Variants in UBE3C observed in about 807,000 individuals in gnomAD.
UBE3C encodes ubiquitin-protein ligase E3C.
Under a neutral mutation model 129.4 loss-of-function variants are expected in UBE3C, and 42 were observed. The ratio of observed to expected loss-of-function variants is 0.32; its 90% CI spans 0.25 to 0.42. UBE3C has a LOEUF of 0.42. UBE3C is among the 10% of genes least tolerant of loss of function. The pLI is 1.00. For synonymous variants in UBE3C, 510 were observed against 492.4 expected, an observed-to-expected ratio of 1.04 and a Z score of -0.47; for missense variants, 1,049 against 1,319.1, an observed-to-expected ratio of 0.80 and a Z score of 3.17.
intron 2 of UBE3C, among the ~76,000 whole-genome samples, chr7:157,165,239 C>T (rs1312914451): frequency 6.6e-6 from 1 of 152,120 alleles, no homozygotes; most frequent in Non-Finnish European, 1.5e-5. Flanking sequence ...TCCTCTCCTA[C>T]TTGGACGCAA....
intron 2 of UBE3C, among the ~76,000 whole-genome samples, chr7:157,167,278 A>C (rs1176842729): frequency 1.3e-5 from 2 of 152,016 alleles, no homozygotes; most frequent in Non-Finnish European, 2.9e-5. Context: ...CTACATCTAC[A>C]TGACCTGATG....
chr7:157,190,732 T>C (rs17718923), intron 10 of UBE3C, among the ~76,000 whole-genome samples: 13,235 of 152,016 alleles, frequency 0.087, 806 homozygotes, highest in Non-Finnish European at 0.12. Flanking sequence ...AGGAAAAAAT[T>C]CACATTCCTT....
At position 157,217,071 on chromosome 7, in the gene UBE3C, A is replaced by T. The variant is rs188308661; in HGVS notation, c.1914+100A>T. 3.9e-3 allele frequency: 3,359 copies of T among 852,260 alleles called. 11 individuals carry two copies. Among genetic ancestry groups the T allele is most frequent in the Non-Finnish European group, 4.6e-3 (2,542 of 555,332 alleles). 52.8% of individuals were successfully genotyped at this position (852,260 alleles called of 1,614,324 possible). A position where few individuals can be genotyped will look rare whatever the true frequency, so the allele number is the denominator to read the frequency against. Reference sequence around the variant, plus strand: ...TAAGCACTTTAAAATTATTTATTTTATGACTCATATGACTAAATAGTAATG... The same window carrying T: ...TAAGCACTTTAAAATTATTTATTTTTTGACTCATATGACTAAATAGTAATG... On this transcript the variant is annotated intron_variant, in intron 14 of 22. Coordinates refer to ENST00000348165, the MANE Select transcript of UBE3C (RefSeq NM_014671.3).
chr7:157,255,990 C>G (rs1480636874), intron 21 of UBE3C, among the ~76,000 whole-genome samples: 1 of 152,194 alleles, frequency 6.6e-6, no homozygotes. Flanking sequence ...CATGTTAGAT[C>G]TGTGGCCACG....
chr7:157,233,944 A>G (rs1584808027), intron 18 of UBE3C, among the ~76,000 whole-genome samples: 1 of 152,198 alleles, frequency 6.6e-6, no homozygotes, highest in East Asian at 1.9e-4. Context: ...CTGGTGACTA[A>G]TAATGTTGAC....
intron 9 of UBE3C, among the ~76,000 whole-genome samples, chr7:157,185,550 A>T (rs1181842152): frequency 6.6e-6 from 1 of 152,150 alleles, no homozygotes; most frequent in Admixed American, 6.5e-5. Flanking sequence ...ACTGCAAGTC[A>T]TTCTTTCTTT....
intron 1 of UBE3C, among the ~76,000 whole-genome samples, chr7:157,155,965 A>C (rs778698885): frequency 6.6e-6 from 1 of 152,176 alleles, no homozygotes; most frequent in Admixed American, 6.5e-5. Context: ...TACGGGTTCT[A>C]CATCTGCATA....
At chr7:157,238,033 C>CA (rs1314297214) in intron 18 of UBE3C, among the ~76,000 whole-genome samples, 2 of 152,136 alleles carry the variant, frequency 1.3e-5, no homozygotes, top group Admixed American at 1.3e-4. Context: ...GCCTGGGTGA[C>CA]AGAGACCCTG....
intron 8 of UBE3C, 125 bp downstream of exon 8, chr7:157,182,453 G>T (rs1808691828): frequency 3.2e-6 from 3 of 925,576 alleles, no homozygotes; most frequent in South Asian, 1.7e-5. Context: ...GAGTGTATTT[G>T]CTGGAGGGAT....
At chr7:157,150,336 A>G (rs896609524) in intron 1 of UBE3C, among the ~76,000 whole-genome samples, 6 of 152,018 alleles carry the variant, frequency 3.9e-5, no homozygotes, top group African/African-American at 1.4e-4. Context: ...CTGAGATCAT[A>G]CCACTGTCCT....
At position 157,189,010 on chromosome 7, in the gene UBE3C, C is replaced by T. The variant is rs570980139; in HGVS notation, c.1331+1989C>T. ...CATGGAAAGATTTCCGAGACAGATGCGTACATGAAAACCGGGAAGACACAG... is the reference window on the plus strand; with the variant it reads ...CATGGAAAGATTTCCGAGACAGATGTGTACATGAAAACCGGGAAGACACAG... On this transcript the variant is annotated intron_variant, in intron 10 of 22. Transcript: ENST00000348165. The T allele has an allele frequency of 5.5e-4, 312 of 564,022 alleles. 1 individual carries two copies. The highest frequency in any genetic ancestry group is 8.1e-4 in the African/African-American group (44 of 54,350). 34.9% of individuals were successfully genotyped at this position (564,022 alleles called of 1,614,324 possible).
Position 157,250,691 on chromosome 7 carries a change from G to C in UBE3C, c.2694+2111G>C, listed in dbSNP as rs573351570. 5.9e-5 allele frequency among the ~76,000 whole-genome samples: 9 copies of C among 152,240 alleles called. No homozygotes were observed. In the South Asian group the frequency reaches 1.9e-3, roughly 32 times the overall value. ...TTTCTGCATATTTTTCCATACCATAGAGCTGAATTTTCACCAATGCAAAAT... is the reference window on the plus strand; with the variant it reads ...TTTCTGCATATTTTTCCATACCATACAGCTGAATTTTCACCAATGCAAAAT... On this transcript the variant is annotated intron_variant, in intron 19 of 22. Coordinates refer to ENST00000348165, the MANE Select transcript of UBE3C (RefSeq NM_014671.3).
In UBE3C at chr7:157,145,590, C is replaced by G. The variant is rs865921595; in HGVS notation, c.66+6252C>G. On this transcript the variant is annotated intron_variant, in intron 1 of 22. Coordinates refer to ENST00000348165, the MANE Select transcript of UBE3C (RefSeq NM_014671.3). ...CCATCCCTGTAACACCTGGCAACCA[C>G]TGATCTTTTTACTGTTTCTACTCTA... Among the ~76,000 whole-genome samples, 8 of 152,214 alleles carry G rather than the reference C, an allele frequency of 5.3e-5. No homozygotes were observed. In the South Asian group the frequency reaches 1.0e-3, roughly 20 times the overall value.
At chr7:157,229,691 A>G (rs966707154) in intron 17 of UBE3C, among the ~76,000 whole-genome samples, 7 of 151,990 alleles carry the variant, frequency 4.6e-5, no homozygotes, top group African/African-American at 1.7e-4. Context: ...GCAGTGGTGC[A>G]ATCATAGCTC....
At chr7:157,223,195 C>A in intron 15 of UBE3C, 59 bp from the exon 16 acceptor site, 2 of 1,515,910 alleles carry the variant, frequency 1.3e-6, no homozygotes, top group South Asian at 1.1e-5. Flanking sequence ...TAAGAATTGT[C>A]AGTGGGAATG....
chr7:157,150,912 GGCCTGTTCACAA>G (rs1335879109), intron 1 of UBE3C, among the ~76,000 whole-genome samples: 1 of 152,216 alleles, frequency 6.6e-6, no homozygotes, highest in Admixed American at 6.5e-5. Flanking sequence ...CTTCTGCGCT[GGCCTGTTCACAA>G]GCCTGGAAGT....
chr7:157,141,673 C>T (rs963813381), intron 1 of UBE3C, among the ~76,000 whole-genome samples: 1 of 152,176 alleles, frequency 6.6e-6, no homozygotes, highest in Admixed American at 6.5e-5. Context: ...GGTCATTATG[C>T]CATGTATGTC....
chr7:157,163,256 G>A (rs952506322), intron 1 of UBE3C, among the ~76,000 whole-genome samples: 1 of 151,814 alleles, frequency 6.6e-6, no homozygotes, highest in South Asian at 2.1e-4. Flanking sequence ...GCGTGGTGGC[G>A]GGCGCCTGTA....
chr7:157,169,221 A>G lies in UBE3C; in HGVS notation c.195+99A>G, dbSNP rs939774418. ...CTTGTTAATTGAAGTCAATGCTGAC[A>G]GTAGTATTCTTCCCAATAAATAATT... is the stretch of plus-strand genomic sequence containing the variant. On this transcript the variant is annotated intron_variant, in intron 3 of 22. Coordinates refer to ENST00000348165, the MANE Select transcript of UBE3C (RefSeq NM_014671.3). 24 of 804,156 alleles carry G rather than the reference A, an allele frequency of 3.0e-5. No individual in the cohort carries two copies. In the Admixed American group the frequency reaches 5.1e-4, roughly 17 times the overall value. 49.8% of individuals were successfully genotyped at this position (804,156 alleles called of 1,614,324 possible).
Sources: allele counts gnomAD v4.1 joint callset (sites outside exome capture counted in the v4.1 genomes callset), GRCh38; gene constraint gnomAD v4.1.1; transcripts MANE v1.5; gene names NCBI Gene and HGNC (gene_info 2026-07-23, HGNC 2026-07-21).